Variants in BICC1 observed in about 807,000 individuals in gnomAD.
BICC1 encodes protein bicaudal C homolog 1.
In BICC1, 43 loss-of-function variants were observed where a neutral mutation model predicts 111.0. The ratio of observed to expected loss-of-function variants is 0.39; its 90% confidence interval spans 0.30 to 0.50. The LOEUF is 0.50. Among genes scored for constraint, BICC1 ranks in the 20% least tolerant of loss-of-function variants. The probability of loss-of-function intolerance (pLI) is 0.88; values close to 1 mark genes in which losing one functional copy is unlikely to be tolerated. For missense variants in BICC1, 1,091 were observed against 1,203.2 expected (o/e 0.91, Z 1.38); for synonymous variants, 467 against 434.4 (o/e 1.07, Z -0.93).
chr10:58,586,462 A>C (rs1844428543), intron 1 of BICC1, among the ~76,000 whole-genome samples: 1 of 149,250 alleles, frequency 6.7e-6, no homozygotes, highest in African/African-American at 2.4e-5. Context: ...AATAAGATTC[A>C]TGCAGAGTAC....
chr10:58,719,838 T>C (rs886346084), intron 3 of BICC1, among the ~76,000 whole-genome samples: 3 of 152,216 alleles, frequency 2.0e-5, no homozygotes, highest in Non-Finnish European at 2.9e-5. Flanking sequence ...TGAATAACTT[T>C]TGAGAAAGTA....
At chr10:58,662,078 G>A (rs1838861992) in intron 2 of BICC1, among the ~76,000 whole-genome samples, 1 of 152,108 alleles carries the variant, frequency 6.6e-6, no homozygotes, top group Non-Finnish European at 1.5e-5. Context: ...GCACATATGG[G>A]CGTGCAGTTC....
chr10:58,620,469 A>C (rs923966223), intron 1 of BICC1, among the ~76,000 whole-genome samples: 3 of 152,206 alleles, frequency 2.0e-5, no homozygotes, highest in African/African-American at 7.2e-5. Flanking sequence ...TAGGCCATAT[A>C]CATGAGCCAT....
chr10:58,646,264 C>T (rs3862868), intron 2 of BICC1, among the ~76,000 whole-genome samples: 1,828 of 152,164 alleles, frequency 0.012, 44 homozygotes, highest in African/African-American at 0.042. Flanking sequence ...CTTTTAAATG[C>T]GTTGATCATA....
intron 8 of BICC1, 142 bp from the exon 9 acceptor site, chr10:58,793,342 G>C: frequency 1.2e-6 from 1 of 818,740 alleles, no homozygotes; most frequent in African/African-American, 1.8e-5. Context: ...TAAGCTATGT[G>C]AACTTATATA....
At chr10:58,521,671 G>T (rs1437066811) in intron 1 of BICC1, among the ~76,000 whole-genome samples, 6 of 149,690 alleles carry the variant, frequency 4.0e-5, no homozygotes, top group African/African-American at 1.2e-4. Flanking sequence ...TTTTTTTGCT[G>T]AAAAATTGAA....
chr10:58,831,181 T>C lies in BICC1; in HGVS notation c.*2290T>C, dbSNP rs944685265. On this transcript the variant is annotated 3_prime_UTR_variant, in exon 21 of 21. Transcript: ENST00000373886. ...AATATGACACTACAGTATACAGAGT[T>C]GTTGTTATATGATGCACAAAATATT... The C allele has an allele frequency of 6.6e-6, 1 of 152,154 alleles. No homozygotes were observed. Among genetic ancestry groups the C allele is most frequent in the African/African-American group, 2.4e-5 (1 of 41,442 alleles). 9.4% of individuals were successfully genotyped at this position (152,154 alleles called of 1,614,324 possible).
At chr10:58,773,882 T>A (rs190592498) in intron 3 of BICC1, among the ~76,000 whole-genome samples, 2 of 152,212 alleles carry the variant, frequency 1.3e-5, no homozygotes, top group Non-Finnish European at 2.9e-5. Context: ...TACCCAAATA[T>A]TGCTTTTCTA....
At chr10:58,568,525 T>C (rs529721296) in intron 1 of BICC1, among the ~76,000 whole-genome samples, 5 of 152,134 alleles carry the variant, frequency 3.3e-5, no homozygotes, top group Non-Finnish European at 5.9e-5. Flanking sequence ...AACTGAGAAC[T>C]CCTTCTGGCA....
intron 3 of BICC1, among the ~76,000 whole-genome samples, chr10:58,716,769 A>C (rs1389965155): frequency 2.6e-5 from 4 of 151,116 alleles, no homozygotes; most frequent in Non-Finnish European, 5.9e-5. Context: ...CTGGGGAAGG[A>C]GCTTTTAGGG....
chr10:58,619,682 C>T (rs1845735445), intron 1 of BICC1, among the ~76,000 whole-genome samples: 1 of 152,024 alleles, frequency 6.6e-6, no homozygotes, highest in African/African-American at 2.4e-5. Context: ...ACTATGTTTG[C>T]CAGGATGGTC....
chr10:58,763,722 T>C (rs1218693137), intron 3 of BICC1, among the ~76,000 whole-genome samples: 1 of 151,914 alleles, frequency 6.6e-6, no homozygotes, highest in Admixed American at 6.6e-5. Flanking sequence ...AGAAGAGTAA[T>C]GAATTTTGGA....
chr10:58,641,525 T>C (rs1051309010), intron 2 of BICC1, among the ~76,000 whole-genome samples: 1 of 152,052 alleles, frequency 6.6e-6, no homozygotes, highest in Non-Finnish European at 1.5e-5. Flanking sequence ...TTTCAAGCAA[T>C]GAAAATAGCT....
chr10:58,796,942 G>A (rs1025065263), intron 10 of BICC1, among the ~76,000 whole-genome samples: 1 of 152,022 alleles, frequency 6.6e-6, no homozygotes, highest in Non-Finnish European at 1.5e-5. Context: ...GGGTGGGGAG[G>A]GGGGTGAAAA....
At chr10:58,688,289 C>G (rs529621447) in intron 2 of BICC1, among the ~76,000 whole-genome samples, 1 of 152,042 alleles carries the variant, frequency 6.6e-6, no homozygotes, top group African/African-American at 2.4e-5. Flanking sequence ...TTTCACTGAC[C>G]ACTCATTGGG....
At chr10:58,707,955 C>T (rs1410649649) in intron 3 of BICC1, among the ~76,000 whole-genome samples, 1 of 151,862 alleles carries the variant, frequency 6.6e-6, no homozygotes, top group Non-Finnish European at 1.5e-5. Flanking sequence ...CTTCGGCCTC[C>T]CAAAGTGCTG....
intron 2 of BICC1, among the ~76,000 whole-genome samples, chr10:58,683,200 TG>T (rs1285144244): frequency 9.9e-5 from 15 of 152,138 alleles, no homozygotes; most frequent in South Asian, 6.2e-4. Context: ...TGTAGATGTG[TG>T]GTATTATTTC....
intron 1 of BICC1, among the ~76,000 whole-genome samples, chr10:58,614,994 A>T (rs1409375557): frequency 6.6e-6 from 1 of 151,532 alleles, no homozygotes; most frequent in South Asian, 2.1e-4. Context: ...TTTCATTGCC[A>T]TGTGAAAGTG....
intron 2 of BICC1, among the ~76,000 whole-genome samples, chr10:58,686,054 G>C (rs1839713834): frequency 6.6e-6 from 1 of 152,140 alleles, no homozygotes; most frequent in Admixed American, 6.5e-5. Context: ...TTGTAAGGCA[G>C]GCCTGGTGGT....
Sources: allele counts gnomAD v4.1 joint callset (sites outside exome capture counted in the v4.1 genomes callset), GRCh38; gene constraint gnomAD v4.1.1; transcripts MANE v1.5; gene names NCBI Gene and HGNC (gene_info 2026-07-23, HGNC 2026-07-21).